Variants in PLAA observed in about 807,000 individuals in gnomAD.
The protein encoded by PLAA is phospholipase A-2-activating protein.
In PLAA, 48 loss-of-function variants were observed where a neutral mutation model predicts 84.1. The ratio of observed to expected loss-of-function variants is 0.57; its 90% CI spans 0.45 to 0.73. The LOEUF (loss-of-function observed/expected upper bound fraction) is 0.73. Ranked by LOEUF, PLAA falls within the 30% of genes least tolerant of loss-of-function variation. The pLI, the probability that PLAA is intolerant of heterozygous loss-of-function variation, is 0.00. For missense variants in PLAA, 903 were observed against 954.7 expected, an observed-to-expected ratio of 0.95 and a Z score of 0.71; for synonymous variants, 392 against 336.6, an observed-to-expected ratio of 1.16 and a Z score of -1.80.
At chr9:26,939,243 C>G (rs1788935408) in intron 1 of PLAA, among the ~76,000 whole-genome samples, 1 of 151,782 alleles carries the variant, frequency 6.6e-6, no homozygotes, top group African/African-American at 2.4e-5. Context: ...AAAAAATTAG[C>G]CAGGTGTGGT....
Position 26,905,945 on chromosome 9 carries a change from T to G in PLAA, c.1954A>C (p.Lys652Gln), listed in dbSNP as rs1013023333. ...AGAGCAAGCAGCTGGTTTGCTGGCT[T>G]TCCTTTAGGGTTCAGAAGATTGATA... The part of the protein sequence containing the change: ...HLINLLNPKG[K>Q]PANQLLALRT... Residue 652 changes from lysine (K) to glutamine (Q), a missense_variant, in exon 14 of 14, where the codon AAG (lysine) becomes CAG (glutamine). Lys to Gln is a moderately conservative substitution (Grantham distance 53, BLOSUM62 1). Coordinates refer to ENST00000397292, the MANE Select transcript of PLAA (RefSeq NM_001031689.3). 3 of 1,614,062 alleles carry G rather than the reference T, an allele frequency of 1.9e-6. No homozygotes were observed. The highest frequency in any genetic ancestry group is 2.7e-5 in the African/African-American group (2 of 74,916).
At chr9:26,920,166 G>C (rs747741288) in intron 8 of PLAA, 61 bp downstream of exon 8, 1 of 1,427,452 alleles carries the variant, frequency 7.0e-7, no homozygotes. Context: ...TGGGGCAAAG[G>C]AAACCTTTAA....
intron 2 of PLAA, 70 bp downstream of exon 2, chr9:26,934,943 G>C: frequency 8.9e-7 from 1 of 1,119,296 alleles, no homozygotes; most frequent in Non-Finnish European, 1.3e-6. Flanking sequence ...TGAGAAAATG[G>C]ATATGTAAAT....
At chr9:26,912,024 A>G (rs1824416540) in intron 11 of PLAA, among the ~76,000 whole-genome samples, 1 of 152,208 alleles carries the variant, frequency 6.6e-6, no homozygotes, top group African/African-American at 2.4e-5. Flanking sequence ...AAGAATGCAA[A>G]TATTAATCAA....
intron 12 of PLAA, among the ~76,000 whole-genome samples, chr9:26,908,820 C>A (rs1824315728): frequency 6.6e-6 from 1 of 152,150 alleles, no homozygotes; most frequent in Admixed American, 6.5e-5. Context: ...AATATATATT[C>A]AAGTGTAAGT....
chr9:26,924,311 T>C (rs1171030484), intron 6 of PLAA, among the ~76,000 whole-genome samples: 1 of 151,888 alleles, frequency 6.6e-6, no homozygotes, highest in Non-Finnish European at 1.5e-5. Context: ...AATATTTTTT[T>C]TGTATGGAGA....
intron 10 of PLAA, among the ~76,000 whole-genome samples, chr9:26,914,645 T>A (rs1015804002): frequency 6.6e-6 from 1 of 152,188 alleles, no homozygotes; most frequent in African/African-American, 2.4e-5. Flanking sequence ...TTGTTGAAAT[T>A]TAACCATATG....
chr9:26,929,029 C>A (rs1052576810), intron 2 of PLAA, among the ~76,000 whole-genome samples: 1 of 151,780 alleles, frequency 6.6e-6, no homozygotes, highest in African/African-American at 2.4e-5. Flanking sequence ...GAGACCTCAT[C>A]TCTACTAAAA....
Position 26,905,573 on chromosome 9 carries a change from A to AATACTTTTTT in PLAA, c.2316_2325dup (p.Ser776LysfsTer11). 1 of 1,614,036 alleles carries AATACTTTTTT rather than the reference A, an allele frequency of 6.2e-7. No homozygotes were observed. ...ACTTTAGCTGGTTCTGATACTGAGGAATACTTTTTTATTTGAGAATCAACA... is the reference window on the plus strand; with the variant it reads ...ACTTTAGCTGGTTCTGATACTGAGGAATACTTTTTTATACTTTTTTATTTGAGAATCAACA... On this transcript the variant is annotated frameshift_variant, in exon 14 of 14. Coordinates refer to ENST00000397292, the MANE Select transcript of PLAA (RefSeq NM_001031689.3). LOFTEE classifies it high-confidence loss of function.
rs1825049288 is a variant in PLAA, at chr9:26,928,348, G to A, written c.404C>T (p.Ala135Val). The A allele has an allele frequency of 6.2e-7, 1 of 1,614,014 alleles. No homozygotes were observed. The highest frequency in any genetic ancestry group is 1.3e-5 in the African/African-American group (1 of 74,930). The change falls in exon 3 of 14, where the codon GCT becomes GTT. Residue 135 changes from alanine (A) to valine (V), a missense_variant. Ala to Val is a moderately conservative substitution (Grantham distance 64). Transcript: ENST00000397292. ...GCACTTGTCATTCAGCCAGACTTTA[G>A]CAGTGGTGTCCCATGAACCACTAAG... ...TLLSGSWDTT[A>V]KVWLNDKCMM...
intron 5 of PLAA, 51 bp from the exon 6 acceptor site, chr9:26,926,011 T>C (rs1824945033): frequency 7.0e-7 from 1 of 1,433,108 alleles, no homozygotes; most frequent in African/African-American, 1.4e-5. Flanking sequence ...TTAAGTACAT[T>C]TATACATACC....
chr9:26,946,485 T>A (rs1320773851), intron 1 of PLAA, among the ~76,000 whole-genome samples: 4 of 147,228 alleles, frequency 2.7e-5, no homozygotes, highest in African/African-American at 1.0e-4. Flanking sequence ...AATTAAATTT[T>A]ACAGAAGACT....
At chr9:26,917,767 G>C (rs1165600496) in intron 9 of PLAA, among the ~76,000 whole-genome samples, 2 of 151,978 alleles carry the variant, frequency 1.3e-5, no homozygotes, top group East Asian at 3.9e-4. Context: ...CCTATGTTTT[G>C]TTAGTACCTC....
intron 9 of PLAA, among the ~76,000 whole-genome samples, chr9:26,917,535 T>C (rs752370304): frequency 4.6e-5 from 7 of 152,228 alleles, no homozygotes; most frequent in Non-Finnish European, 1.0e-4. Context: ...GCTGTTGTTA[T>C]TGTTATCAAA....
chr9:26,936,850 C>T (rs1372887363), intron 1 of PLAA, among the ~76,000 whole-genome samples: 1 of 152,112 alleles, frequency 6.6e-6, no homozygotes, highest in Non-Finnish European at 1.5e-5. Flanking sequence ...ATTTAAAAGG[C>T]TGATGCCCGG....
At chr9:26,926,985 T>C (rs1474803238) in intron 4 of PLAA, among the ~76,000 whole-genome samples, 1 of 152,076 alleles carries the variant, frequency 6.6e-6, no homozygotes, top group African/African-American at 2.4e-5. Flanking sequence ...AGATTTCCTA[T>C]GTTCAGTATC....
chr9:26,944,972 A>T (rs1825643918), intron 1 of PLAA, among the ~76,000 whole-genome samples: 1 of 152,206 alleles, frequency 6.6e-6, no homozygotes. Context: ...TACTAAAAAT[A>T]CAAAATTAGC....
At chr9:26,936,700 A>G (rs1825368319) in intron 1 of PLAA, among the ~76,000 whole-genome samples, 1 of 148,950 alleles carries the variant, frequency 6.7e-6, no homozygotes, top group South Asian at 2.1e-4. Flanking sequence ...CTGTCCTCCA[A>G]ATATCAGAGA....
intron 2 of PLAA, 31 bp from the exon 3 acceptor site, chr9:26,928,439 T>C: frequency 7.2e-7 from 1 of 1,389,846 alleles, no homozygotes; most frequent in Non-Finnish European, 1.0e-6. Flanking sequence ...GATAACACAT[T>C]TTCATACAGA....
Sources: gnomAD v4.1 joint callset for allele counts (sites outside exome capture counted in the v4.1 genomes callset) on GRCh38, gnomAD v4.1.1 for gene constraint, MANE v1.5 for transcripts, NCBI Gene and HGNC (gene_info 2026-07-23, HGNC 2026-07-21) for gene names.